The following IMMP2L variants were observed in gnomAD, a reference collection of about 807,000 sequenced individuals.
IMMP2L encodes the protein inner mitochondrial membrane peptidase subunit 2.
A neutral mutation model predicts 19.3 loss-of-function variants in IMMP2L; 18 were observed. The observed-to-expected ratio is 0.93, with a 90% CI of 0.64 to 1.38. IMMP2L has a LOEUF of 1.38. IMMP2L is among the 40% of genes most tolerant of loss of function. The pLI is 0.00. For synonymous variants in IMMP2L, 76 were observed against 73.0 expected (o/e 1.04, Z -0.21); for missense variants, 233 against 218.2 (o/e 1.07, Z -0.43).
intron 3 of IMMP2L, among the ~76,000 whole-genome samples, chr7:111,211,983 C>A (rs1330892776): frequency 6.6e-6 from 1 of 151,994 alleles, no homozygotes; most frequent in East Asian, 1.9e-4. Context: ...GGAGACAGAG[C>A]AAGACTCCGT....
intron 3 of IMMP2L, among the ~76,000 whole-genome samples, chr7:111,393,479 C>T (rs1297823532): frequency 6.6e-6 from 1 of 152,092 alleles, no homozygotes; most frequent in African/African-American, 2.4e-5. Context: ...TAGAACACTG[C>T]ATATTTTCAA....
chr7:110,968,329 G>GA (rs1819776644), intron 3 of IMMP2L, among the ~76,000 whole-genome samples: 2 of 151,894 alleles, frequency 1.3e-5, no homozygotes, highest in African/African-American at 4.8e-5. Context: ...TATTTCTCTT[G>GA]AAAAAACAGG....
intron 3 of IMMP2L, among the ~76,000 whole-genome samples, chr7:111,283,632 G>T (rs1820145111): frequency 6.6e-6 from 1 of 152,086 alleles, no homozygotes; most frequent in African/African-American, 2.4e-5. Context: ...ACTCCAAGGG[G>T]CCTGGGCTTT....
chr7:111,337,535 T>C (rs37643), intron 3 of IMMP2L, among the ~76,000 whole-genome samples: 29,632 of 151,822 alleles, frequency 0.2, 4,920 homozygotes, highest in African/African-American at 0.45. Flanking sequence ...GGATGGACAG[T>C]TGAATGGGCA....
chr7:111,348,578 A>C (rs1827817704), intron 3 of IMMP2L, among the ~76,000 whole-genome samples: 1 of 152,154 alleles, frequency 6.6e-6, no homozygotes, highest in African/African-American at 2.4e-5. Flanking sequence ...AAATAAAGAA[A>C]ACCTGCAAAA....
chr7:111,387,975 T>TAAAAAAAAAAAAAAAAAAAAAAAAA (rs750267136), intron 3 of IMMP2L, among the ~76,000 whole-genome samples: 1 of 93,412 alleles, frequency 1.1e-5, no homozygotes, highest in African/African-American at 4.6e-5. Flanking sequence ...ACTCTGTCTT[T>TAAAAAAAAAAAAAAAAAAAAAAAAA]AAAAAAAAAA....
At chr7:111,263,502 T>C (rs945001434) in intron 3 of IMMP2L, among the ~76,000 whole-genome samples, 2 of 152,106 alleles carry the variant, frequency 1.3e-5, no homozygotes, top group African/African-American at 4.8e-5. Context: ...TCTTTGGATA[T>C]ACTGGGTTTC....
chr7:110,909,094 G>T (rs1323943190), intron 4 of IMMP2L, among the ~76,000 whole-genome samples: 1 of 152,118 alleles, frequency 6.6e-6, no homozygotes, highest in Non-Finnish European at 1.5e-5. Flanking sequence ...CAGGCAGATT[G>T]AGAGCGTATG....
intron 5 of IMMP2L, among the ~76,000 whole-genome samples, chr7:110,733,574 T>C (rs1796419802): frequency 6.6e-6 from 1 of 152,086 alleles, no homozygotes; most frequent in East Asian, 1.9e-4. Flanking sequence ...TCCCAATCTC[T>C]GCCATAAACA....
At chr7:111,503,087 GA>G (rs1204529281) in intron 2 of IMMP2L, among the ~76,000 whole-genome samples, 2 of 151,514 alleles carry the variant, frequency 1.3e-5, no homozygotes, top group Non-Finnish European at 2.9e-5. Context: ...GACTAATAAA[GA>G]AAAAAAGAGA....
Position 110,810,756 on chromosome 7 carries a change from T to A in IMMP2L, c.408+75837A>T, listed in dbSNP as rs188859073. ...ACAGCCTAATTCAGTTTGAAAGTGATTAATTATAATAAACAATACCTGAAT... is the reference window on the plus strand; with the variant it reads ...ACAGCCTAATTCAGTTTGAAAGTGAATAATTATAATAAACAATACCTGAAT... On this transcript the variant is annotated intron_variant, in intron 5 of 5. Transcript: ENST00000405709. Among the ~76,000 whole-genome samples the A allele has an allele frequency of 2.1e-3, 319 of 152,170 alleles. 2 individuals are homozygous for A. The South Asian group carries it at 0.031, about 15-fold the overall frequency.
At chr7:110,692,753 A>G (rs1793606437) in intron 5 of IMMP2L, among the ~76,000 whole-genome samples, 1 of 152,162 alleles carries the variant, frequency 6.6e-6, no homozygotes, top group Non-Finnish European at 1.5e-5. Context: ...CAGTGTGAAA[A>G]CTGCTAGAAG....
intron 5 of IMMP2L, among the ~76,000 whole-genome samples, chr7:110,714,428 C>T (rs1228125086): frequency 6.6e-6 from 1 of 151,956 alleles, no homozygotes; most frequent in African/African-American, 2.4e-5. Context: ...GGGTCTTTAC[C>T]AGGTTTTGGT....
At chr7:111,379,970 G>A (rs1831042018) in intron 3 of IMMP2L, among the ~76,000 whole-genome samples, 1 of 151,808 alleles carries the variant, frequency 6.6e-6, no homozygotes, top group Non-Finnish European at 1.5e-5. Context: ...TCAGTATTAT[G>A]AACTATCTAA....
chr7:110,941,228 T>C (rs1816703418), intron 4 of IMMP2L, among the ~76,000 whole-genome samples: 1 of 152,190 alleles, frequency 6.6e-6, no homozygotes, highest in African/African-American at 2.4e-5. Context: ...GATATTCTGT[T>C]GATGGCAGTA....
rs552750314 is a variant in IMMP2L at position 111,213,181 on chromosome 7, C to A, written c.240-249616G>T. ...TCACTGCCTCGCCTCTCCTTGCTCC[C>A]TGCACTTGCTCCGATCTTGGAGTGG... On this transcript the variant is annotated intron_variant, in intron 3 of 5. Transcript: ENST00000405709. The surrounding 1 kb of genome is among the most constrained non-coding windows in gnomAD (Gnocchi z 4.8). Among the ~76,000 whole-genome samples, 1 of 152,356 alleles carries A rather than the reference C, an allele frequency of 6.6e-6. No homozygotes were observed. The highest frequency in any genetic ancestry group is 2.1e-4 in the South Asian group (1 of 4,828).
chr7:111,289,409 A>G (rs541897976), intron 3 of IMMP2L, among the ~76,000 whole-genome samples: 198 of 151,990 alleles, frequency 1.3e-3, no homozygotes, highest in Non-Finnish European at 2.0e-3. Flanking sequence ...CCCAGAACTT[A>G]AAGTATAATT....
intron 5 of IMMP2L, among the ~76,000 whole-genome samples, chr7:110,769,301 C>A (rs997986465): frequency 1.3e-5 from 2 of 152,136 alleles, no homozygotes; most frequent in African/African-American, 4.8e-5. Context: ...TGCCATTTTG[C>A]ATTCATCTGG....
intron 5 of IMMP2L, among the ~76,000 whole-genome samples, chr7:110,688,186 C>T (rs1169232537): frequency 6.6e-6 from 1 of 151,968 alleles, no homozygotes; most frequent in Non-Finnish European, 1.5e-5. Flanking sequence ...ACACAAACCG[C>T]CCAGCTGAGC....
Sources: allele counts gnomAD v4.1 joint callset (sites outside exome capture counted in the v4.1 genomes callset), GRCh38; gene constraint gnomAD v4.1.1; non-coding constraint Gnocchi (gnomAD v3.1); transcripts MANE v1.5; gene names NCBI Gene and HGNC (gene_info 2026-07-23, HGNC 2026-07-21).